Variants in GABBR2 observed in about 807,000 individuals in gnomAD.
GABBR2 encodes gamma-aminobutyric acid type B receptor subunit 2.
GABBR2 carries 23 observed loss-of-function variants against 105.6 expected under a neutral mutation model. The observed-to-expected ratio is 0.22, with a 90% CI of 0.16 to 0.31. GABBR2 has a LOEUF of 0.31. GABBR2 is among the 10% of genes least tolerant of loss of function. The probability of loss-of-function intolerance (pLI) is 1.00; values close to 1 mark genes in which losing one functional copy is unlikely to be tolerated. For synonymous variants in GABBR2, 478 were observed against 499.7 expected (o/e 0.96, Z 0.58); for missense variants, 734 against 1,245.5 (o/e 0.59, Z 6.18).
chr9:98,539,362 T>C (rs887200516), intron 3 of GABBR2, among the ~76,000 whole-genome samples: 2 of 152,186 alleles, frequency 1.3e-5, no homozygotes, highest in African/African-American at 4.8e-5. Context: ...TTAGGCTATA[T>C]GCAGGTAGTT....
chr9:98,424,155 G>T (rs1399675283), intron 7 of GABBR2, among the ~76,000 whole-genome samples: 1 of 152,128 alleles, frequency 6.6e-6, no homozygotes, highest in Admixed American at 6.5e-5. Context: ...CTTCATCCCT[G>T]GGATGCAAGG....
At chr9:98,553,027 C>T (rs536436672) in intron 2 of GABBR2, among the ~76,000 whole-genome samples, 1 of 152,148 alleles carries the variant, frequency 6.6e-6, no homozygotes, top group South Asian at 2.1e-4. Flanking sequence ...ACCCACGTGC[C>T]ACCATGCCTG....
intron 6 of GABBR2, among the ~76,000 whole-genome samples, chr9:98,463,670 C>T (rs963054377): frequency 4.9e-5 from 7 of 142,902 alleles, no homozygotes; most frequent in African/African-American, 1.8e-4. Flanking sequence ...CAGTCTCCCT[C>T]TCTTGCAGAG....
intron 1 of GABBR2, among the ~76,000 whole-genome samples, chr9:98,612,130 G>T (rs1456975430): frequency 6.6e-6 from 1 of 152,230 alleles, no homozygotes; most frequent in Non-Finnish European, 1.5e-5. Flanking sequence ...TGGCTGCAGA[G>T]CCTGTAACTG....
At chr9:98,381,160 G>T (rs941689198) in intron 11 of GABBR2, among the ~76,000 whole-genome samples, 9 of 152,216 alleles carry the variant, frequency 5.9e-5, no homozygotes, top group Non-Finnish European at 8.8e-5. Flanking sequence ...AGTTCCAGGC[G>T]GCTTGTCTGA....
intron 9 of GABBR2, among the ~76,000 whole-genome samples, chr9:98,393,341 A>ATCC: frequency 6.7e-6 from 1 of 148,280 alleles, no homozygotes; most frequent in African/African-American, 2.6e-5. Context: ...GCATCCACCC[A>ATCC]ACCATCCATC....
At chr9:98,513,076 G>A (rs1200072969) in intron 3 of GABBR2, among the ~76,000 whole-genome samples, 1 of 152,146 alleles carries the variant, frequency 6.6e-6, no homozygotes, top group Non-Finnish European at 1.5e-5. Flanking sequence ...CAATGGAACA[G>A]AACAGAGCCC....
chr9:98,588,487 T>C (rs959330538), intron 1 of GABBR2, among the ~76,000 whole-genome samples: 4 of 152,230 alleles, frequency 2.6e-5, no homozygotes, highest in Non-Finnish European at 5.9e-5. Flanking sequence ...CCAGGCACTA[T>C]TCTAATTGCT....
At chr9:98,441,559 G>C (rs752015386) in intron 7 of GABBR2, among the ~76,000 whole-genome samples, 3 of 152,092 alleles carry the variant, frequency 2.0e-5, no homozygotes, top group Non-Finnish European at 4.4e-5. Context: ...GTAGAGACAG[G>C]GTTTCACCTG....
chr9:98,363,081 T>G (rs1831615418), intron 12 of GABBR2, among the ~76,000 whole-genome samples: 1 of 152,188 alleles, frequency 6.6e-6, no homozygotes, highest in East Asian at 1.9e-4. Context: ...GTTTGGCCAC[T>G]CCTAGTCCCT....
chr9:98,522,434 C>A (rs1827885851), intron 3 of GABBR2, among the ~76,000 whole-genome samples: 1 of 151,990 alleles, frequency 6.6e-6, no homozygotes, highest in Non-Finnish European at 1.5e-5. Context: ...GCCATTTTTT[C>A]TTTATGAGTA....
rs150388858 is a variant in GABBR2 at position 98,317,226 on chromosome 9, C to T, written c.1894-6021G>A. ...GCAGTGAGGCCACACCGGTTTGGGA[C>T]GGCCAGAAGATGGAAGTGCTCACAC... is the stretch of plus-strand genomic sequence containing the variant. On this transcript the variant is annotated intron_variant, in intron 13 of 18. Transcript: ENST00000259455. Among the ~76,000 whole-genome samples, 9 of 152,330 alleles carry T rather than the reference C, an allele frequency of 5.9e-5. No individual in the cohort carries two copies. In the East Asian group the frequency reaches 7.7e-4, roughly 13 times the overall value.
chr9:98,404,655 A>G (rs1832457751), intron 8 of GABBR2, among the ~76,000 whole-genome samples: 1 of 152,036 alleles, frequency 6.6e-6, no homozygotes, highest in South Asian at 2.1e-4. Context: ...GGTCTGCCTC[A>G]AGGAATGCCC....
intron 1 of GABBR2, among the ~76,000 whole-genome samples, chr9:98,655,190 T>A (rs1272436805): frequency 6.6e-6 from 1 of 152,176 alleles, no homozygotes; most frequent in Non-Finnish European, 1.5e-5. Context: ...CCACAGAATG[T>A]ACATCAAGAG....
intron 1 of GABBR2, among the ~76,000 whole-genome samples, chr9:98,597,975 C>T (rs1829261879): frequency 6.6e-6 from 1 of 152,056 alleles, no homozygotes. Flanking sequence ...GTGTGCACCA[C>T]CACCTCCGGC....
intron 12 of GABBR2, among the ~76,000 whole-genome samples, chr9:98,364,271 G>A (rs575642591): frequency 6.6e-6 from 1 of 152,326 alleles, no homozygotes; most frequent in South Asian, 2.1e-4. Flanking sequence ...AGAAACTGGG[G>A]CAAAATGCCT....
chr9:98,472,429 C>G (rs1047029446), intron 6 of GABBR2, among the ~76,000 whole-genome samples: 2 of 152,242 alleles, frequency 1.3e-5, no homozygotes, highest in African/African-American at 4.8e-5. Flanking sequence ...CTGACACACC[C>G]TGTCCAAGGT....
In GABBR2 at chr9:98,308,964, G is replaced by T. The variant is rs75419963; in HGVS notation, c.2004+2131C>A. On this transcript the variant is annotated intron_variant, in intron 14 of 18. Coordinates refer to ENST00000259455, the MANE Select transcript of GABBR2 (RefSeq NM_005458.8). ...CAGTTAGTCAATGAATGCTTTGGGG[G>T]ATGCTCAGGGTGGGCTGGGGATTGG... 7.9e-5 allele frequency among the ~76,000 whole-genome samples: 12 copies of T among 151,878 alleles called. No homozygotes were observed. The East Asian group carries it at 2.3e-3, about 30-fold the overall frequency.
At chr9:98,664,973 T>C (rs1190338045) in intron 1 of GABBR2, among the ~76,000 whole-genome samples, 3 of 151,742 alleles carry the variant, frequency 2.0e-5, no homozygotes, top group African/African-American at 7.3e-5. Context: ...CAAAATGAAA[T>C]TTTAAAAAAT....
Sources: allele counts gnomAD v4.1 joint callset (sites outside exome capture counted in the v4.1 genomes callset), GRCh38; gene constraint gnomAD v4.1.1; transcripts MANE v1.5; gene names NCBI Gene and HGNC (gene_info 2026-07-23, HGNC 2026-07-21).